The following ATP11A variants were observed in gnomAD, a reference collection of about 807,000 sequenced individuals.
ATP11A encodes the protein phospholipid-transporting ATPase IH.
Under a neutral mutation model 154.4 loss-of-function variants are expected in ATP11A, and 81 were observed. The ratio of observed to expected loss-of-function variants is 0.52; its 90% CI spans 0.44 to 0.63. ATP11A has a LOEUF of 0.63. Ranked by LOEUF, ATP11A falls within the 30% of genes least tolerant of loss-of-function variation. The pLI is 0.00. For missense variants in ATP11A, 1,316 were observed against 1,474.3 expected, an observed-to-expected ratio of 0.89 and a Z score of 1.76; for synonymous variants, 623 against 585.9, an observed-to-expected ratio of 1.06 and a Z score of -0.91.
chr13:112,766,663 C>T (rs1303377701), intron 1 of ATP11A, among the ~76,000 whole-genome samples: 3 of 152,076 alleles, frequency 2.0e-5, no homozygotes, highest in African/African-American at 7.2e-5. Flanking sequence ...TCTGCCCACC[C>T]CCCAGGATGG....
At chr13:112,865,304 A>G (rs1303101036) in intron 25 of ATP11A, among the ~76,000 whole-genome samples, 1 of 150,932 alleles carries the variant, frequency 6.6e-6, no homozygotes, top group Non-Finnish European at 1.5e-5. Context: ...CCACCTGCGC[A>G]GTAATTCAGT....
chr13:112,773,991 G>C (rs1326646409), intron 1 of ATP11A, among the ~76,000 whole-genome samples: 2 of 152,076 alleles, frequency 1.3e-5, no homozygotes, highest in African/African-American at 4.8e-5. Context: ...AGGCATCAAA[G>C]AACCTCAGCT....
intron 1 of ATP11A, chr13:112,747,198 A>T (rs1892261373): frequency 6.6e-6 from 1 of 152,210 alleles, no homozygotes; most frequent in Non-Finnish European, 1.5e-5. Flanking sequence ...CTTGCAAACA[A>T]GTGGGGTCAG....
At chr13:112,805,099 C>T in intron 3 of ATP11A, 53 bp downstream of exon 3, 2 of 1,349,768 alleles carry the variant, frequency 1.5e-6, no homozygotes, top group Non-Finnish European at 2.1e-6. Flanking sequence ...AAATAAGTGA[C>T]ATTTTATTCT....
At chr13:112,757,412 C>T (rs1047829454) in intron 1 of ATP11A, among the ~76,000 whole-genome samples, 1 of 152,280 alleles carries the variant, frequency 6.6e-6, no homozygotes, top group Non-Finnish European at 1.5e-5. Flanking sequence ...ATCACGACTT[C>T]CTCTTATGTC....
chr13:112,710,418 G>A (rs960009299), intron 1 of ATP11A, among the ~76,000 whole-genome samples: 7 of 152,082 alleles, frequency 4.6e-5, no homozygotes, highest in Non-Finnish European at 1.0e-4. Flanking sequence ...GGGCAGGGCC[G>A]CTCCCCAGAA....
At chr13:112,876,906 C>CCA (rs1419522655) in intron 28 of ATP11A, among the ~76,000 whole-genome samples, 3 of 152,154 alleles carry the variant, frequency 2.0e-5, no homozygotes, top group Admixed American at 6.5e-5. Flanking sequence ...ACAGCCTCAC[C>CCA]CACCACCCAC....
intron 25 of ATP11A, among the ~76,000 whole-genome samples, chr13:112,869,980 C>G (rs991351774): frequency 6.6e-6 from 1 of 152,230 alleles, no homozygotes; most frequent in African/African-American, 2.4e-5. Flanking sequence ...CCTCCACCCC[C>G]CCATCCAAAG....
chr13:112,829,828 C>T (rs553332382), intron 12 of ATP11A, among the ~76,000 whole-genome samples: 1 of 152,332 alleles, frequency 6.6e-6, no homozygotes, highest in East Asian at 1.9e-4. Flanking sequence ...AACTAATCAA[C>T]AAATTCACTA....
At chr13:112,786,909 ATTCACACC>A (rs2077643845) in intron 2 of ATP11A, among the ~76,000 whole-genome samples, 1 of 149,928 alleles carries the variant, frequency 6.7e-6, no homozygotes. Context: ...GACCTACTTA[ATTCACACC>A]GGTGTCCTGA....
intron 24 of ATP11A, 192 bp downstream of exon 24, chr13:112,860,606 C>A: frequency 1.6e-6 from 1 of 623,700 alleles, no homozygotes; most frequent in Non-Finnish European, 2.7e-6. Flanking sequence ...TTCTTCAAGT[C>A]TTGCTGGATG....
intron 1 of ATP11A, among the ~76,000 whole-genome samples, chr13:112,703,789 A>G (rs773036991): frequency 6.6e-6 from 1 of 152,134 alleles, no homozygotes; most frequent in African/African-American, 2.4e-5. Context: ...GTATTAAAAC[A>G]ATGCTATAAC....
At position 112,819,794 on chromosome 13, in the gene ATP11A, G is replaced by A. The variant is rs909750778; in HGVS notation, c.675-106G>A. On this transcript the variant is annotated intron_variant, in intron 7 of 29. Transcript: ENST00000375645. ...GGGCTGCTTTAGCCGCACACGGAGC[G>A]GGCCAGGTGAAGACGTGTGGCTCAC... is the stretch of plus-strand genomic sequence containing the variant. 34 of 1,182,964 alleles carry A rather than the reference G, an allele frequency of 2.9e-5. No individual in the cohort carries two copies. The East Asian group carries it at 6.4e-4, about 22-fold the overall frequency. The allele number at this position is 1,182,964 out of a possible 1,614,324, so 73.3% of individuals were successfully genotyped here.
At chr13:112,694,228 C>G (rs1454288651) in intron 1 of ATP11A, among the ~76,000 whole-genome samples, 1 of 152,194 alleles carries the variant, frequency 6.6e-6, no homozygotes, top group Non-Finnish European at 1.5e-5. Context: ...GAGCAGTACT[C>G]ATTTCATAGC....
chr13:112,853,484 C>G (rs145148033), intron 18 of ATP11A, among the ~76,000 whole-genome samples: 1 of 152,124 alleles, frequency 6.6e-6, no homozygotes, highest in Admixed American at 6.6e-5. Flanking sequence ...TTACTTCACA[C>G]GAAAGTAGTC....
chr13:112,697,105 G>A lies in ATP11A; in HGVS notation c.39+6650G>A, dbSNP rs1004827891. 6.6e-6 allele frequency among the ~76,000 whole-genome samples: 1 copy of A among 152,138 alleles called. No individual in the cohort carries two copies. Among genetic ancestry groups the A allele is most frequent in the African/African-American group, 2.4e-5 (1 of 41,446 alleles). On this transcript the variant is annotated intron_variant, in intron 1 of 29. Coordinates refer to ENST00000375645, the MANE Select transcript of ATP11A (RefSeq NM_015205.3). This position sits in a 1 kb window ranked among gnomAD's most constrained non-coding sequence, Gnocchi z 4.0. Reference sequence around the variant, plus strand: ...GGTGCCTGCGTGTCCAGCCTGAGGGGCGGCCCACGCAGCAGCCTCTGGGAG... The same window carrying A: ...GGTGCCTGCGTGTCCAGCCTGAGGGACGGCCCACGCAGCAGCCTCTGGGAG...
At chr13:112,692,742 C>T (rs1885346225) in intron 1 of ATP11A, among the ~76,000 whole-genome samples, 1 of 152,144 alleles carries the variant, frequency 6.6e-6, no homozygotes, top group Non-Finnish European at 1.5e-5. Context: ...CACACAGAGC[C>T]ATTCATCTCT....
In ATP11A at chr13:112,704,508, G is replaced by A. The variant is rs117564711; in HGVS notation, c.39+14053G>A. 6.4e-4 allele frequency among the ~76,000 whole-genome samples: 98 copies of A among 152,362 alleles called. No homozygotes were observed. The East Asian group carries it at 0.019, about 29-fold the overall frequency. On this transcript the variant is annotated intron_variant, in intron 1 of 29. Transcript: ENST00000375645. ...TCTTATCTGGAAAGGTCTGTGGGAGGCGAGGCTCTGACTGCGGCGTGCGTC... is the reference window on the plus strand; with the variant it reads ...TCTTATCTGGAAAGGTCTGTGGGAGACGAGGCTCTGACTGCGGCGTGCGTC...
chr13:112,809,878 C>T (rs1402689322), intron 4 of ATP11A, among the ~76,000 whole-genome samples: 5 of 152,170 alleles, frequency 3.3e-5, no homozygotes, highest in Non-Finnish European at 7.3e-5. Context: ...GGTGTGCCTT[C>T]GTAGTTGGAA....
Sources: allele counts gnomAD v4.1 joint callset (sites outside exome capture counted in the v4.1 genomes callset), GRCh38; gene constraint gnomAD v4.1.1; non-coding constraint Gnocchi (gnomAD v3.1); transcripts MANE v1.5; gene names NCBI Gene and HGNC (gene_info 2026-07-23, HGNC 2026-07-21).